The following ZNF600 variants were observed in gnomAD, a reference collection of about 807,000 sequenced individuals.
The protein encoded by ZNF600 is zinc finger protein KR-ZNF1.
In ZNF600, 4 loss-of-function variants were observed where a neutral mutation model predicts 7.3. The ratio of observed to expected loss-of-function variants is 0.55; its 90% confidence interval spans 0.27 to 1.25. The LOEUF is 1.25. ZNF600 is among the 50% of genes most tolerant of loss of function. The pLI, the probability that ZNF600 is intolerant of heterozygous loss-of-function variation, is 0.12. For missense variants in ZNF600, 911 were observed against 922.1 expected (o/e 0.99, Z 0.16); for synonymous variants, 290 against 308.9 (o/e 0.94, Z 0.64).
chr19:52,802,491 A>G, the ZNF600 span, among the ~76,000 whole-genome samples: 3 of 152,164 alleles, frequency 2.0e-5, no homozygotes, highest in Non-Finnish European at 4.4e-5. Context: ...CAGCCTGGCC[A>G]ATGTGGCAAA....
At chr19:52,805,145 C>G in the ZNF600 span, 1 of 152,024 alleles carries the variant, frequency 6.6e-6, no homozygotes, top group Non-Finnish European at 1.5e-5. Flanking sequence ...TGGCACTCAC[C>G]TGTAGTCCCA....
chr19:52,800,902 C>T, the ZNF600 span: 8 of 1,613,872 alleles, frequency 5.0e-6, no homozygotes, highest in East Asian at 1.8e-4. Context: ...TTATGTGTTT[C>T]AAGGTGTGAT....
the ZNF600 span, chr19:52,808,281 A>G: frequency 1.4e-6 from 2 of 1,461,984 alleles, no homozygotes; most frequent in Non-Finnish European, 1.8e-6. Flanking sequence ...TGATGTTTTT[A>G]TTATACTTTT....
chr19:52,793,764 CCACACACACACACACACACACACACA>C, the ZNF600 span, among the ~76,000 whole-genome samples: 1,075 of 138,826 alleles, frequency 7.7e-3, 7 homozygotes, highest in Non-Finnish European at 0.012. Flanking sequence ...CCAAACTCTG[CCACACACACACACACACACACACACA>C]CACACACACA....
chr19:52,785,824 CT>C (rs1339203338), intron 1 of ZNF600, among the ~76,000 whole-genome samples: 1 of 152,122 alleles, frequency 6.6e-6, no homozygotes, highest in Non-Finnish European at 1.5e-5. Context: ...GTGAGCCTCC[CT>C]CTTTGCTGCC....
chr19:52,797,525 GAAT>G, the ZNF600 span: 2 of 152,106 alleles, frequency 1.3e-5, no homozygotes, highest in African/African-American at 2.4e-5. Context: ...TTGCAGAATA[GAAT>G]AATAGCACCA....
chr19:52,778,095 C>T (rs62117457), intron 2 of ZNF600, among the ~76,000 whole-genome samples: 1 of 151,932 alleles, frequency 6.6e-6, no homozygotes, highest in Admixed American at 6.6e-5. Context: ...CATACAGTAA[C>T]CTCCACGTCC....
chr19:52,806,804 G>A, the ZNF600 span, among the ~76,000 whole-genome samples: 167 of 151,990 alleles, frequency 1.1e-3, no homozygotes, highest in African/African-American at 3.7e-3. Flanking sequence ...CAGGAATCTG[G>A]GGCATAAGCA....
At chr19:52,793,611 T>C in the ZNF600 span, among the ~76,000 whole-genome samples, 33 of 152,056 alleles carry the variant, frequency 2.2e-4, no homozygotes, top group Non-Finnish European at 3.8e-4. Flanking sequence ...AACATTTTTC[T>C]CCCACAACCC....
At chr19:52,815,824 CA>C in the ZNF600 span, among the ~76,000 whole-genome samples, 1 of 144,168 alleles carries the variant, frequency 6.9e-6, no homozygotes, top group Non-Finnish European at 1.5e-5. Context: ...GGCTCCATCT[CA>C]AAAAAAATAA....
chr19:52,776,415 A>AT (rs2062675755), intron 2 of ZNF600, among the ~76,000 whole-genome samples: 2 of 148,718 alleles, frequency 1.3e-5, no homozygotes, highest in African/African-American at 5.2e-5. Flanking sequence ...AATACTTCTT[A>AT]CTTTTTTTTT....
intron 2 of ZNF600, among the ~76,000 whole-genome samples, chr19:52,777,563 G>A (rs2062686070): frequency 6.6e-6 from 1 of 152,070 alleles, no homozygotes; most frequent in Admixed American, 6.6e-5. Flanking sequence ...CGGACACAGT[G>A]GTGCACACCT....
At chr19:52,786,718 G>C (rs2062766877) in exon 1 of ZNF600, 1 of 365,400 alleles carries the variant, frequency 2.7e-6, no homozygotes, top group African/African-American at 2.1e-5. Flanking sequence ...ATCCAAGGCA[G>C]AGCAAAACTC....
chr19:52,826,273 A>G, the ZNF600 span, among the ~76,000 whole-genome samples: 2 of 152,144 alleles, frequency 1.3e-5, no homozygotes, highest in Non-Finnish European at 2.9e-5. Flanking sequence ...CTAAGTCATT[A>G]AAAGTGCAGA....
At chr19:52,794,050 G>A in the ZNF600 span, among the ~76,000 whole-genome samples, 1 of 152,036 alleles carries the variant, frequency 6.6e-6, no homozygotes, top group Non-Finnish European at 1.5e-5. Context: ...AGGTGGAGAT[G>A]CCTGTTTGAT....
chr19:52,769,846 T>C (rs1281521945), intron 3 of ZNF600, among the ~76,000 whole-genome samples: 3 of 152,146 alleles, frequency 2.0e-5, no homozygotes, highest in Non-Finnish European at 2.9e-5. Context: ...TGAGCCACTG[T>C]ACCTGGTGGC....
At chr19:52,800,160 C>T in the ZNF600 span, 9 of 1,613,436 alleles carry the variant, frequency 5.6e-6, no homozygotes, top group Middle Eastern at 1.7e-4. Flanking sequence ...GTGTGATTTG[C>T]GACTGAAAAC....
chr19:52,801,243 A>G, the ZNF600 span: 1 of 1,614,176 alleles, frequency 6.2e-7, no homozygotes. Context: ...TTGTGTGAGT[A>G]ATGAAGAATG....
At chr19:52,788,860 T>C (rs2062784844), upstream of ZNF600, among the ~76,000 whole-genome samples, 7 of 152,208 alleles carry the variant, frequency 4.6e-5, no homozygotes, top group South Asian at 1.4e-3. Context: ...TAGCAATCTC[T>C]GATAAAACAG....
Sources: gnomAD v4.1 joint callset for allele counts (sites outside exome capture counted in the v4.1 genomes callset) on GRCh38, gnomAD v4.1.1 for gene constraint, MANE v1.5 for transcripts, NCBI Gene and HGNC (gene_info 2026-07-23, HGNC 2026-07-21) for gene names.